The following BMPR1B variants were observed in gnomAD, a reference collection of about 807,000 sequenced individuals.
BMPR1B encodes bone morphogenetic protein receptor type 1B.
BMPR1B carries 12 observed loss-of-function variants against 59.1 expected under a neutral mutation model. That is an observed-to-expected ratio of 0.20 (90% CI 0.13 to 0.33). The LOEUF (loss-of-function observed/expected upper bound fraction) is 0.33. BMPR1B is among the 10% of genes least tolerant of loss of function. The pLI is 1.00. For synonymous variants in BMPR1B, 237 were observed against 207.3 expected, an observed-to-expected ratio of 1.14 and a Z score of -1.23; for missense variants, 550 against 610.9, an observed-to-expected ratio of 0.90 and a Z score of 1.05.
chr4:94,791,606 T>C (rs1722990571), intron 1 of BMPR1B, among the ~76,000 whole-genome samples: 3 of 152,216 alleles, frequency 2.0e-5, no homozygotes, highest in South Asian at 4.1e-4. Context: ...AAATATGGAT[T>C]GATACTCAGG....
intron 3 of BMPR1B, among the ~76,000 whole-genome samples, chr4:95,100,822 A>G (rs13434647): frequency 0.36 from 55,332 of 151,810 alleles, 10,175 homozygotes; most frequent in Middle Eastern, 0.49. Flanking sequence ...TTTACTTGTT[A>G]TTCTCTTTTT....
Position 95,110,687 on chromosome 4 carries a change from G to A in BMPR1B, c.144-4033G>A, listed in dbSNP as rs1731566281. On this transcript the variant is annotated intron_variant, in intron 4 of 12. Coordinates refer to ENST00000515059, the MANE Select transcript of BMPR1B (RefSeq NM_001203.3). Reference sequence around the variant, plus strand: ...AGAAAACACTTAGGCAGCTTATGATGTCTGTCCCTATTCCTGGAAGTTAAA... The same window carrying A: ...AGAAAACACTTAGGCAGCTTATGATATCTGTCCCTATTCCTGGAAGTTAAA... 2.0e-5 allele frequency among the ~76,000 whole-genome samples: 3 copies of A among 152,154 alleles called. No individual in the cohort carries two copies. The South Asian group carries it at 6.2e-4, about 32-fold the overall frequency.
At chr4:95,026,130 C>CTTTCTTTCTTTCTTTCTTTCTT (rs1560603021) in intron 3 of BMPR1B, among the ~76,000 whole-genome samples, 29 of 146,552 alleles carry the variant, frequency 2.0e-4, no homozygotes, top group African/African-American at 7.2e-4. Context: ...TTCTTTCTTT[C>CTTTCTTTCTTTCTTTCTTTCTT]TTTCTTTCTT....
chr4:94,775,579 A>G (rs894276904), intron 1 of BMPR1B, among the ~76,000 whole-genome samples: 2 of 152,184 alleles, frequency 1.3e-5, no homozygotes, highest in Admixed American at 1.3e-4. Flanking sequence ...TTTGAATGAC[A>G]TTTTCCCTTG....
intron 3 of BMPR1B, among the ~76,000 whole-genome samples, chr4:95,066,457 A>G (rs865861268): frequency 9.8e-5 from 15 of 152,364 alleles, no homozygotes; most frequent in Middle Eastern, 3.4e-3. Context: ...AGATGAATAT[A>G]GTTATGCTAG....
intron 1 of BMPR1B, among the ~76,000 whole-genome samples, chr4:94,763,869 A>G (rs990468200): frequency 6.6e-6 from 1 of 152,156 alleles, no homozygotes; most frequent in African/African-American, 2.4e-5. Flanking sequence ...TTCTGAAACT[A>G]GCTACTTTTC....
intron 3 of BMPR1B, among the ~76,000 whole-genome samples, chr4:95,061,954 A>G (rs1442298372): frequency 6.6e-6 from 1 of 152,010 alleles, no homozygotes; most frequent in Non-Finnish European, 1.5e-5. Flanking sequence ...TGATGGTTTA[A>G]AAGTGTGTGG....
chr4:94,883,504 T>G (rs2148982084), intron 2 of BMPR1B, among the ~76,000 whole-genome samples: 1 of 152,254 alleles, frequency 6.6e-6, no homozygotes, highest in South Asian at 2.1e-4. Flanking sequence ...CTTTCTCTAT[T>G]TTACAAAATA....
Position 95,158,005 on chromosome 4 carries a change from T to C in BMPR1B, c.*3332T>C, listed in dbSNP as rs1281977562. On this transcript the variant is annotated 3_prime_UTR_variant, in exon 13 of 13. Transcript: ENST00000515059. ...TTCATGTTCCTACAGTCATACATATTCATTAGAAGTTTTATGTTGTTGGTC... is the reference window on the plus strand; with the variant it reads ...TTCATGTTCCTACAGTCATACATATCCATTAGAAGTTTTATGTTGTTGGTC... 6.6e-6 allele frequency: 1 copy of C among 152,196 alleles called. No homozygotes were observed. Among genetic ancestry groups the C allele is most frequent in the Non-Finnish European group, 1.5e-5 (1 of 68,022 alleles). The allele number at this position is 152,196 out of a possible 1,614,324, so 9.4% of individuals were successfully genotyped here.
intron 2 of BMPR1B, among the ~76,000 whole-genome samples, chr4:94,929,005 C>T (rs17022654): frequency 0.039 from 5,991 of 152,128 alleles, 376 homozygotes; most frequent in African/African-American, 0.13. Flanking sequence ...TGTGACACAA[C>T]TCTATGAACA....
intron 1 of BMPR1B, among the ~76,000 whole-genome samples, chr4:94,768,982 A>G (rs1421670320): frequency 6.6e-6 from 1 of 152,184 alleles, no homozygotes; most frequent in Non-Finnish European, 1.5e-5. Context: ...ACAGGTTTTC[A>G]TCAACACCTT....
intron 1 of BMPR1B, among the ~76,000 whole-genome samples, chr4:94,792,498 C>G (rs528863594): frequency 6.6e-6 from 1 of 152,056 alleles, no homozygotes; most frequent in Admixed American, 6.6e-5. Flanking sequence ...TACACACACG[C>G]ACACTTTTTG....
At chr4:94,792,597 T>A (rs551550160) in intron 1 of BMPR1B, among the ~76,000 whole-genome samples, 5 of 152,316 alleles carry the variant, frequency 3.3e-5, no homozygotes, top group African/African-American at 1.2e-4. Flanking sequence ...AAGAGACTAC[T>A]TTGAGTAAAA....
chr4:95,123,985 G>A, intron 7 of BMPR1B, 79 bp downstream of exon 7: 2 of 979,272 alleles, frequency 2.0e-6, no homozygotes, highest in South Asian at 1.3e-5. Flanking sequence ...TTGCCTGTTA[G>A]TGTTTCTCAC....
chr4:94,967,401 C>A lies in BMPR1B; in HGVS notation c.-112-28639C>A, dbSNP rs141770816. ...ACCACATTTATTGTAAAGTAACTTT[C>A]TGTAACTGTATTCTCTTTTCTTCTA... On this transcript the variant is annotated intron_variant, in intron 2 of 12. Coordinates refer to ENST00000515059, the MANE Select transcript of BMPR1B (RefSeq NM_001203.3). Among the ~76,000 whole-genome samples, 1,509 of 152,182 alleles carry A rather than the reference C, an allele frequency of 9.9e-3. 12 individuals carry two copies. Among genetic ancestry groups the A allele is most frequent in the Non-Finnish European group, 0.017 (1,145 of 67,984 alleles).
intron 1 of BMPR1B, among the ~76,000 whole-genome samples, chr4:94,849,629 C>G (rs552236336): frequency 1.4e-4 from 22 of 151,792 alleles, no homozygotes; most frequent in Admixed American, 5.2e-4. Flanking sequence ...CTTGAGTTGG[C>G]CAGAGAAGAT....
chr4:94,906,180 T>C (rs1728033045), intron 2 of BMPR1B, among the ~76,000 whole-genome samples: 1 of 152,032 alleles, frequency 6.6e-6, no homozygotes, highest in Non-Finnish European at 1.5e-5. Flanking sequence ...GCTCCTTAGA[T>C]TGATATTTTC....
Position 95,154,637 on chromosome 4 carries a change from T to A in BMPR1B, c.1473T>A (p.Leu491=). Residue 491 remains leucine, a synonymous_variant, in exon 13 of 13, where the codon CTT becomes CTA. Transcript: ENST00000515059. The part of the protein sequence containing the change: ...RLTALRVKKT[L]AKMSESQDIK... ...CAGCCCTGCGGGTTAAGAAAACACT[T>A]GCCAAAATGTCAGAGTCCCAGGACA... 1 of 1,614,106 alleles carries A rather than the reference T, an allele frequency of 6.2e-7. No homozygotes were observed. Among genetic ancestry groups the A allele is most frequent in the Non-Finnish European group, 8.5e-7 (1 of 1,179,980 alleles).
chr4:94,996,825 C>T (rs1205063897), intron 3 of BMPR1B, among the ~76,000 whole-genome samples: 3 of 152,150 alleles, frequency 2.0e-5, no homozygotes, highest in African/African-American at 7.2e-5. Context: ...AACATCTCCT[C>T]CTATGCATTA....
Sources: allele counts gnomAD v4.1 joint callset (sites outside exome capture counted in the v4.1 genomes callset), GRCh38; gene constraint gnomAD v4.1.1; transcripts MANE v1.5; gene names NCBI Gene and HGNC (gene_info 2026-07-23, HGNC 2026-07-21).